Variants in GPC6 observed in about 807,000 individuals in gnomAD.
The protein encoded by GPC6 is glypican-6.
In GPC6, 14 loss-of-function variants were observed where a neutral mutation model predicts 55.2. The ratio of observed to expected loss-of-function variants is 0.25; its 90% confidence interval spans 0.17 to 0.40. The LOEUF (loss-of-function observed/expected upper bound fraction) is 0.40, where lower values mean the gene tolerates loss of function less well. GPC6 is among the 10% of genes least tolerant of loss of function. GPC6 has a pLI of 1.00. For missense variants in GPC6, 641 were observed against 708.5 expected, an observed-to-expected ratio of 0.90 and a Z score of 1.08; for synonymous variants, 278 against 259.6, an observed-to-expected ratio of 1.07 and a Z score of -0.68.
intron 3 of GPC6, among the ~76,000 whole-genome samples, chr13:93,898,966 T>TATATATATATATACAC (rs1251225383): frequency 8.0e-5 from 11 of 137,090 alleles, no homozygotes; most frequent in African/African-American, 2.6e-4. Context: ...TATATATATA[T>TATATATATATATACAC]ACACACACAT....
intron 6 of GPC6, among the ~76,000 whole-genome samples, chr13:94,353,582 T>C (rs537576101): frequency 1.3e-5 from 2 of 151,894 alleles, no homozygotes; most frequent in South Asian, 2.1e-4. Flanking sequence ...AGCATATATA[T>C]ATATATACAC....
intron 2 of GPC6, among the ~76,000 whole-genome samples, chr13:93,774,694 C>T (rs187846558): frequency 1.6e-3 from 243 of 152,220 alleles, no homozygotes; most frequent in African/African-American, 5.7e-3. Flanking sequence ...GCTGGTTCAT[C>T]GGTAAGCATT....
intron 2 of GPC6, among the ~76,000 whole-genome samples, chr13:93,769,065 A>G (rs781680458): frequency 2.3e-4 from 35 of 152,164 alleles, no homozygotes; most frequent in Non-Finnish European, 4.9e-4. Flanking sequence ...AGAAGTTTCT[A>G]AATTCTGTAA....
chr13:94,387,852 G>A (rs1880479948), intron 7 of GPC6, among the ~76,000 whole-genome samples: 2 of 151,900 alleles, frequency 1.3e-5, no homozygotes, highest in South Asian at 2.1e-4. Flanking sequence ...CCTTGGTCTT[G>A]GACACCATGG....
chr13:93,459,651 AC>A (rs1878606712), intron 1 of GPC6, among the ~76,000 whole-genome samples: 1 of 152,122 alleles, frequency 6.6e-6, no homozygotes, highest in Admixed American at 6.5e-5. Context: ...GTGTGTCTTC[AC>A]TTTTAATGTA....
chr13:93,424,608 A>G (rs979287900), intron 1 of GPC6, among the ~76,000 whole-genome samples: 1 of 95,870 alleles, frequency 1.0e-5, no homozygotes, highest in African/African-American at 3.1e-5. Flanking sequence ...AATACATGGT[A>G]TCATCATCAT....
chr13:93,520,180 A>G (rs977304239), intron 1 of GPC6, among the ~76,000 whole-genome samples: 1 of 151,984 alleles, frequency 6.6e-6, no homozygotes, highest in Non-Finnish European at 1.5e-5. Flanking sequence ...TTAAAATATT[A>G]TCAGAATACC....
intron 1 of GPC6, among the ~76,000 whole-genome samples, chr13:93,265,843 C>T (rs537855066): frequency 1.9e-4 from 29 of 150,734 alleles, no homozygotes; most frequent in African/African-American, 3.2e-4. Flanking sequence ...TGGCCTCGAA[C>T]GCATAGCCTT....
chr13:93,612,114 T>A (rs971710098), intron 2 of GPC6, among the ~76,000 whole-genome samples: 5 of 152,184 alleles, frequency 3.3e-5, no homozygotes, highest in Non-Finnish European at 7.4e-5. Context: ...AAATATATAA[T>A]ACCTCCCAAA....
At chr13:94,235,427 G>A (rs1272790421) in intron 4 of GPC6, among the ~76,000 whole-genome samples, 1 of 152,074 alleles carries the variant, frequency 6.6e-6, no homozygotes, top group Non-Finnish European at 1.5e-5. Flanking sequence ...TCATTGAGCG[G>A]CCTTACTTTA....
At chr13:94,055,839 C>T (rs779414947) in intron 4 of GPC6, among the ~76,000 whole-genome samples, 20 of 152,156 alleles carry the variant, frequency 1.3e-4, no homozygotes, top group Non-Finnish European at 2.1e-4. Context: ...TACACAGATA[C>T]AGAATTTTGA....
intron 3 of GPC6, among the ~76,000 whole-genome samples, chr13:93,834,748 T>C (rs1887668613): frequency 6.6e-6 from 1 of 152,222 alleles, no homozygotes; most frequent in Non-Finnish European, 1.5e-5. Flanking sequence ...TTGTTTGTAG[T>C]ACTAACTACT....
intron 1 of GPC6, among the ~76,000 whole-genome samples, chr13:93,524,118 C>T (rs1039298942): frequency 6.6e-6 from 1 of 151,974 alleles, no homozygotes; most frequent in Non-Finnish European, 1.5e-5. Context: ...TTGAACCTGA[C>T]TTTCTTCAAC....
chr13:93,225,496 TTG>T (rs1349176686), upstream of GPC6, among the ~76,000 whole-genome samples: 77 of 11,090 alleles, frequency 6.9e-3, no homozygotes, highest in East Asian at 0.42. Context: ...GTTTTTTTTT[TTG>T]TTTTGTTTTG....
rs921193860 is a variant in GPC6, at chr13:93,596,350, T to C, written c.319+50929T>C. On this transcript the variant is annotated intron_variant, in intron 2 of 8. Transcript: ENST00000377047. ...TAAGGACCAAGGAGGTGAGAGCAAG[T>C]GCTATTCAGAGAATTGGCCAGGCAG... Among the ~76,000 whole-genome samples, 4 of 151,978 alleles carry C rather than the reference T, an allele frequency of 2.6e-5. No homozygotes were observed. In the East Asian group the frequency reaches 5.8e-4, roughly 22 times the overall value.
At chr13:94,133,423 A>G (rs78182427) in intron 4 of GPC6, among the ~76,000 whole-genome samples, 5,667 of 152,288 alleles carry the variant, frequency 0.037, 143 homozygotes, top group Non-Finnish European at 0.057. Context: ...CACTTAAAAA[A>G]TAAAAAATCA....
chr13:93,618,843 G>C (rs1270792501), intron 2 of GPC6, among the ~76,000 whole-genome samples: 1 of 152,026 alleles, frequency 6.6e-6, no homozygotes, highest in Admixed American at 6.6e-5. Context: ...CTTAATGATG[G>C]GGATACCTTT....
At chr13:94,050,918 T>C (rs765223757) in intron 4 of GPC6, among the ~76,000 whole-genome samples, 3 of 152,156 alleles carry the variant, frequency 2.0e-5, no homozygotes, top group Non-Finnish European at 4.4e-5. Context: ...TAGCTAGTAG[T>C]GTCGTAAATG....
At chr13:93,847,646 A>G (rs7329372) in intron 3 of GPC6, among the ~76,000 whole-genome samples, 4,334 of 152,236 alleles carry the variant, frequency 0.028, 201 homozygotes, top group African/African-American at 0.097. Context: ...ATTGACATTC[A>G]TTGTCCCAAA....
Sources: gnomAD v4.1 joint callset for allele counts (sites outside exome capture counted in the v4.1 genomes callset) on GRCh38, gnomAD v4.1.1 for gene constraint, MANE v1.5 for transcripts, NCBI Gene and HGNC (gene_info 2026-07-23, HGNC 2026-07-21) for gene names.